FLI1: variants seen among roughly 807,000 people sequenced by gnomAD.
The protein encoded by FLI1 is Fli-1 proto-oncogene, ETS transcription factor.
A neutral mutation model predicts 53.1 loss-of-function variants in FLI1; 13 were observed. The ratio of observed to expected loss-of-function variants is 0.24; its 90% CI spans 0.16 to 0.39. The LOEUF is 0.39. Among genes scored for constraint, FLI1 ranks in the 10% least tolerant of loss-of-function variants. The pLI is 1.00. For synonymous variants in FLI1, 244 were observed against 236.7 expected (o/e 1.03, Z -0.28); for missense variants, 424 against 600.5 (o/e 0.71, Z 3.07).
chr11:128,760,756 G>A (rs559836160), intron 2 of FLI1, among the ~76,000 whole-genome samples: 202 of 152,108 alleles, frequency 1.3e-3, no homozygotes, highest in Non-Finnish European at 2.4e-3. Context: ...TTCAACTCCT[G>A]ACCTCATGAT....
chr11:128,764,532 C>A (rs1941254487), intron 2 of FLI1: 2 of 939,698 alleles, frequency 2.1e-6, no homozygotes, highest in South Asian at 1.4e-5. Context: ...GGGCCCCAGC[C>A]CCATGCTAGC....
chr11:128,686,963 G>A (rs940772260), intron 1 of FLI1: 2 of 160,238 alleles, frequency 1.2e-5, no homozygotes, highest in Non-Finnish European at 2.8e-5. Context: ...AGCCTGTGCA[G>A]GAAGACCGAG....
upstream of FLI1, among the ~76,000 whole-genome samples, chr11:128,689,864 G>A (rs976047956): frequency 8.8e-6 from 1 of 113,484 alleles, no homozygotes; most frequent in African/African-American, 3.4e-5. Flanking sequence ...GCCCGCCCCC[G>A]GCCCTCCCGC....
At position 128,810,694 on chromosome 11, in the gene FLI1, A is replaced by G. The variant is rs1330768597; in HGVS notation, c.1065A>G (p.Arg355=). The change falls in exon 9 of 9, where the codon AGA becomes AGG. Residue 355 remains arginine, a synonymous_variant. Transcript: ENST00000527786. The surrounding 1 kb of genome is among the most constrained non-coding windows in gnomAD (Gnocchi z 6.6). ...KNIMTKVHGK[R]YAYKFDFHGI... ...TTATGACCAAAGTGCACGGCAAAAG[A>G]TATGCTTACAAATTTGACTTCCACG... 2 of 1,613,898 alleles carry G rather than the reference A, an allele frequency of 1.2e-6. No individual in the cohort carries two copies. The highest frequency in any genetic ancestry group is 3.3e-5 in the Admixed American group (2 of 60,002).
chr11:128,732,764 C>A (rs1939753815), intron 1 of FLI1, among the ~76,000 whole-genome samples: 1 of 152,126 alleles, frequency 6.6e-6, no homozygotes, highest in Non-Finnish European at 1.5e-5. Context: ...TCTAAAAAAC[C>A]AACTAGTTAC....
At chr11:128,807,365 C>CAAAGA in intron 7 of FLI1, 126 bp downstream of exon 7, 4 of 557,660 alleles carry the variant, frequency 7.2e-6, no homozygotes, top group Non-Finnish European at 9.1e-6. Context: ...CAAAGAGGGT[C>CAAAGA]TATCTTTGAC....
intron 5 of FLI1, among the ~76,000 whole-genome samples, chr11:128,791,175 G>A (rs192648537): frequency 4.9e-4 from 75 of 152,218 alleles, no homozygotes; most frequent in East Asian, 1.2e-3. Flanking sequence ...CCCCTGGAGC[G>A]TAGAGGTGTG....
intron 1 of FLI1, among the ~76,000 whole-genome samples, chr11:128,717,118 G>C (rs1325245879): frequency 6.6e-6 from 1 of 152,106 alleles, no homozygotes; most frequent in Non-Finnish European, 1.5e-5. Context: ...CTGCTCTGGG[G>C]AGAATGCCTG....
chr11:128,748,170 C>T (rs668575), intron 1 of FLI1: 50,085 of 596,264 alleles, frequency 0.084, 2,279 homozygotes, highest in South Asian at 0.15. Flanking sequence ...AGGCTATACC[C>T]TTCATTTGTA....
chr11:128,694,094 C>T lies in FLI1; in HGVS notation c.-165C>T. ...TGTCTCTTTCGCTCCGCTACAACAA[C>T]AAACGTGCACAGGGGAGTGAGGGCA... On this transcript the variant is annotated 5_prime_UTR_variant, in exon 1 of 9. Transcript: ENST00000527786. 2 of 548,080 alleles carry T rather than the reference C, an allele frequency of 3.6e-6. No individual in the cohort carries two copies. The highest frequency in any genetic ancestry group is 6.0e-6 in the Non-Finnish European group (2 of 332,084). 34.0% of individuals were successfully genotyped at this position (548,080 alleles called of 1,614,324 possible). A position where few individuals can be genotyped will look rare whatever the true frequency, so the allele number is the denominator to read the frequency against.
chr11:128,709,607 G>A (rs2135715991), intron 1 of FLI1, among the ~76,000 whole-genome samples: 1 of 152,318 alleles, frequency 6.6e-6, no homozygotes, highest in East Asian at 1.9e-4. Flanking sequence ...CAGGATATGA[G>A]TGTGGCTTCA....
At chr11:128,804,805 T>G (rs915620991) in intron 5 of FLI1, 1 of 152,266 alleles carries the variant, frequency 6.6e-6, no homozygotes, top group African/African-American at 2.4e-5. Flanking sequence ...AGGAATGTCA[T>G]GGCCATGGGC....
intron 5 of FLI1, among the ~76,000 whole-genome samples, chr11:128,792,205 A>G (rs2135887888): frequency 6.6e-6 from 1 of 152,316 alleles, no homozygotes; most frequent in East Asian, 1.9e-4. Flanking sequence ...CTGTTCCTGT[A>G]GTCCCCTCCC....
intron 1 of FLI1, among the ~76,000 whole-genome samples, chr11:128,757,044 T>TTTCTTTCTTTCTTTC (rs1555116906): frequency 9.3e-6 from 1 of 107,028 alleles, no homozygotes; most frequent in Non-Finnish European, 1.9e-5. Flanking sequence ...CTAGCTAATT[T>TTTCTTTCTTTCTTTC]TTTCTTTCTT....
At chr11:128,722,082 C>T (rs904745066) in intron 1 of FLI1, among the ~76,000 whole-genome samples, 3 of 152,206 alleles carry the variant, frequency 2.0e-5, no homozygotes, top group Admixed American at 2.0e-4. Context: ...ACCTCCATCA[C>T]GTTTCTGTCT....
chr11:128,790,253 A>ATT (rs34130629), intron 5 of FLI1, among the ~76,000 whole-genome samples: 37,277 of 140,852 alleles, frequency 0.26, 5,043 homozygotes, highest in Non-Finnish European at 0.31. Context: ...GGAGAGTTGC[A>ATT]TTTTTTTTTT....
At chr11:128,723,214 C>T (rs1427326666) in intron 1 of FLI1, among the ~76,000 whole-genome samples, 1 of 152,122 alleles carries the variant, frequency 6.6e-6, no homozygotes, top group African/African-American at 2.4e-5. Flanking sequence ...AACACTCACT[C>T]CATAACAACA....
intron 1 of FLI1, among the ~76,000 whole-genome samples, chr11:128,738,504 A>C (rs766904514): frequency 6.6e-6 from 1 of 152,188 alleles, no homozygotes; most frequent in Admixed American, 6.5e-5. Context: ...ATTCCTGGTT[A>C]TCTTCTAGCT....
At chr11:128,724,865 A>G (rs1939406841) in intron 1 of FLI1, among the ~76,000 whole-genome samples, 1 of 152,164 alleles carries the variant, frequency 6.6e-6, no homozygotes, top group Admixed American at 6.5e-5. Context: ...CCTTGGTAAT[A>G]TCACTACGAT....
Sources: allele counts gnomAD v4.1 joint callset (sites outside exome capture counted in the v4.1 genomes callset), GRCh38; gene constraint gnomAD v4.1.1; non-coding constraint Gnocchi (gnomAD v3.1); transcripts MANE v1.5; gene names NCBI Gene and HGNC (gene_info 2026-07-23, HGNC 2026-07-21).